The following MAPK14 variants were observed in gnomAD, a reference collection of about 807,000 sequenced individuals.
MAPK14 encodes mitogen-activated protein kinase 14.
A neutral mutation model predicts 49.6 loss-of-function variants in MAPK14; 16 were observed. That is an observed-to-expected ratio of 0.32 (90% confidence interval 0.22 to 0.49). The LOEUF is 0.49. Ranked by LOEUF, MAPK14 falls within the 20% of genes least tolerant of loss-of-function variation. The probability of loss-of-function intolerance (pLI) is 0.99; values close to 1 mark genes in which losing one functional copy is unlikely to be tolerated. For synonymous variants in MAPK14, 142 were observed against 158.0 expected (o/e 0.90, Z 0.76); for missense variants, 200 against 441.2 (o/e 0.45, Z 4.90).
At chr6:36,037,496 A>G (rs1449906904) in intron 1 of MAPK14, among the ~76,000 whole-genome samples, 1 of 152,142 alleles carries the variant, frequency 6.6e-6, no homozygotes, top group Non-Finnish European at 1.5e-5. Context: ...CCATTTTCTG[A>G]ACTTTGTGTT....
At chr6:36,088,703 CAG>C (rs1765092137) in intron 8 of MAPK14, among the ~76,000 whole-genome samples, 1 of 144,802 alleles carries the variant, frequency 6.9e-6, no homozygotes, top group African/African-American at 2.6e-5. Flanking sequence ...GCCTGGGCGA[CAG>C]AGCGAGACTC....
intron 8 of MAPK14, among the ~76,000 whole-genome samples, chr6:36,090,465 T>C (rs1453834769): frequency 6.6e-6 from 1 of 151,316 alleles, no homozygotes; most frequent in Non-Finnish European, 1.5e-5. Context: ...CGCCTTGGCC[T>C]ACCAAAATGT....
At chr6:36,086,943 C>T (rs948473864) in intron 8 of MAPK14, among the ~76,000 whole-genome samples, 3 of 152,226 alleles carry the variant, frequency 2.0e-5, no homozygotes, top group Admixed American at 6.5e-5. Context: ...CTTATCCATC[C>T]ACCACGGTCA....
chr6:36,096,325 CA>C (rs1765445401), intron 9 of MAPK14: 2 of 364,890 alleles, frequency 5.5e-6, no homozygotes, highest in Non-Finnish European at 9.9e-6. Context: ...AATAGTATCC[CA>C]GTAAAGCAAT....
intron 6 of MAPK14, among the ~76,000 whole-genome samples, chr6:36,075,143 G>A (rs866876043): frequency 1.3e-5 from 2 of 148,548 alleles, no homozygotes; most frequent in East Asian, 2.0e-4. Context: ...GGAGAATGGC[G>A]TGAACCTGGG....
intron 8 of MAPK14, among the ~76,000 whole-genome samples, chr6:36,086,689 A>G (rs1764999532): frequency 6.6e-6 from 1 of 152,210 alleles, no homozygotes; most frequent in South Asian, 2.1e-4. Flanking sequence ...GACCAGACAG[A>G]TTACAGCCAA....
the MAPK14 span, among the ~76,000 whole-genome samples, chr6:36,122,266 G>A: frequency 6.6e-6 from 1 of 152,240 alleles, no homozygotes; most frequent in Non-Finnish European, 1.5e-5. Context: ...CAGGCAGGTT[G>A]TGGAGGTGGC....
At chr6:36,122,318 A>G in the MAPK14 span, among the ~76,000 whole-genome samples, 2 of 152,236 alleles carry the variant, frequency 1.3e-5, no homozygotes, top group Non-Finnish European at 2.9e-5. Flanking sequence ...CAGGCTGCAC[A>G]CAGGAGTCCA....
chr6:36,089,062 C>A (rs1285625879), intron 8 of MAPK14, among the ~76,000 whole-genome samples: 3 of 152,030 alleles, frequency 2.0e-5, no homozygotes, highest in African/African-American at 7.3e-5. Context: ...GGGTATATAC[C>A]CAAAGGAATA....
At chr6:36,095,419 C>T (rs1765406288) in intron 8 of MAPK14, among the ~76,000 whole-genome samples, 1 of 152,236 alleles carries the variant, frequency 6.6e-6, no homozygotes, top group African/African-American at 2.4e-5. Flanking sequence ...GCTTCCCTTT[C>T]CAGAGGGTGT....
At chr6:36,029,198 C>T (rs1762437047) in intron 1 of MAPK14, 1 of 152,142 alleles carries the variant, frequency 6.6e-6, no homozygotes, top group Non-Finnish European at 1.5e-5. Context: ...CCTGCGAATA[C>T]TGTGTTTTAA....
intron 11 of MAPK14, 76 bp from the exon 12 acceptor site, chr6:36,108,304 C>A: frequency 9.1e-7 from 1 of 1,092,948 alleles, no homozygotes; most frequent in African/African-American, 1.5e-5. Context: ...GGATCTTGAG[C>A]TTAGAAGTCA....
At chr6:36,044,833 A>C (rs1264317856) in intron 1 of MAPK14, among the ~76,000 whole-genome samples, 3 of 151,954 alleles carry the variant, frequency 2.0e-5, no homozygotes, top group African/African-American at 7.3e-5. Flanking sequence ...TTCCTCTTGG[A>C]TTAAGTCTGT....
At chr6:36,115,755 A>C (rs1766049556), downstream of MAPK14, among the ~76,000 whole-genome samples, 1 of 152,108 alleles carries the variant, frequency 6.6e-6, no homozygotes, top group Non-Finnish European at 1.5e-5. Flanking sequence ...TACTAAAAAT[A>C]CGAAATTAGT....
intron 3 of MAPK14, among the ~76,000 whole-genome samples, chr6:36,064,868 A>G (rs1763982118): frequency 1.3e-5 from 2 of 152,216 alleles, no homozygotes; most frequent in African/African-American, 4.8e-5. Context: ...AAGACCTGAA[A>G]GGTCCTACAT....
intron 3 of MAPK14, among the ~76,000 whole-genome samples, chr6:36,063,524 G>A (rs934397526): frequency 6.6e-5 from 10 of 152,164 alleles, no homozygotes; most frequent in African/African-American, 1.7e-4. Context: ...CAGGGGCAGC[G>A]GTTATATTGA....
At chr6:36,072,550 A>T (rs1764345973) in intron 3 of MAPK14, among the ~76,000 whole-genome samples, 1 of 151,854 alleles carries the variant, frequency 6.6e-6, no homozygotes. Flanking sequence ...GGGGATCATG[A>T]GGTCAGGAGA....
intron 2 of MAPK14, 133 bp downstream of exon 2, chr6:36,052,961 T>A: frequency 3.6e-6 from 2 of 549,052 alleles, no homozygotes; most frequent in Non-Finnish European, 5.9e-6. Context: ...GGGGTGTTAG[T>A]GGCCACTTGG....
chr6:36,102,857 C>A, intron 10 of MAPK14: 1 of 378,232 alleles, frequency 2.6e-6, no homozygotes, highest in Non-Finnish European at 3.6e-6. Context: ...GATCACAGAA[C>A]TTGGGATTGG....
Sources: allele counts gnomAD v4.1 joint callset (sites outside exome capture counted in the v4.1 genomes callset), GRCh38; gene constraint gnomAD v4.1.1; transcripts MANE v1.5; gene names NCBI Gene and HGNC (gene_info 2026-07-23, HGNC 2026-07-21).